The following ACSBG1 variants were observed in gnomAD, a reference collection of about 807,000 sequenced individuals.
ACSBG1 encodes the protein long-chain-fatty-acid--CoA ligase ACSBG1.
In ACSBG1, 39 loss-of-function variants were observed where a neutral mutation model predicts 80.2. That is an observed-to-expected ratio of 0.49 (90% CI 0.38 to 0.64). ACSBG1 has a LOEUF of 0.64. ACSBG1 is among the 30% of genes least tolerant of loss of function. The pLI, the probability that ACSBG1 is intolerant of heterozygous loss-of-function variation, is 0.00. For missense variants in ACSBG1, 828 were observed against 966.4 expected, an observed-to-expected ratio of 0.86 and a Z score of 1.90; for synonymous variants, 392 against 379.5, an observed-to-expected ratio of 1.03 and a Z score of -0.38.
At chr15:78,218,710 G>C (rs1468524995) in intron 1 of ACSBG1, among the ~76,000 whole-genome samples, 1 of 151,624 alleles carries the variant, frequency 6.6e-6, no homozygotes, top group Non-Finnish European at 1.5e-5. Context: ...CTTGCTAAAG[G>C]TTATACAGAT....
intron 2 of ACSBG1, among the ~76,000 whole-genome samples, chr15:78,200,344 C>A (rs1403858459): frequency 6.6e-6 from 1 of 152,032 alleles, no homozygotes; most frequent in Non-Finnish European, 1.5e-5. Flanking sequence ...GGCCTCCTGG[C>A]CAGCTGCATG....
In ACSBG1 at chr15:78,170,559, A is replaced by C. The variant is rs1465741896; in HGVS notation, c.*885T>G. The C allele has an allele frequency of 6.6e-6, 1 of 152,176 alleles. No individual in the cohort carries two copies. Among genetic ancestry groups the C allele is most frequent in the African/African-American group, 2.4e-5 (1 of 41,424 alleles). The allele number at this position is 152,176 out of a possible 1,614,324, so 9.4% of individuals were successfully genotyped here. A position where few individuals can be genotyped will look rare whatever the true frequency, so the allele number is the denominator to read the frequency against. Reference sequence around the variant, plus strand: ...CAAAACTGAGATGTTTGCTTTCTCTACCTGTTTCCTGTTCAGATGCCTTCG... The same window carrying C: ...CAAAACTGAGATGTTTGCTTTCTCTCCCTGTTTCCTGTTCAGATGCCTTCG... On this transcript the variant is annotated 3_prime_UTR_variant, in exon 14 of 14. Transcript: ENST00000258873.
chr15:78,209,353 T>C (rs1411439746), intron 1 of ACSBG1: 1 of 433,950 alleles, frequency 2.3e-6, no homozygotes, highest in East Asian at 7.1e-5. Context: ...TCTTGCGAAA[T>C]TTGTGAGCAA....
intron 10 of ACSBG1, 178 bp from the exon 11 acceptor site, chr15:78,179,009 T>C (rs937250011): frequency 6.4e-6 from 4 of 627,192 alleles, no homozygotes; most frequent in African/African-American, 1.8e-5. Context: ...TAAAGGGTTT[T>C]AGGGAATGAA....
intron 2 of ACSBG1, among the ~76,000 whole-genome samples, chr15:78,200,926 A>G (rs1026629085): frequency 6.6e-6 from 1 of 152,098 alleles, no homozygotes; most frequent in Admixed American, 6.5e-5. Flanking sequence ...TACCTTTCCC[A>G]GCCTCAACAT....
rs778578080 is a variant in ACSBG1, at chr15:78,180,836, G to A, written c.1172C>T (p.Ala391Val). ...CTTTCGCCGGATGAAGCCAGACTGAGCCGCCACCTCCTGGATGCGCTCCAT... is the reference window on the plus strand; with the variant it reads ...CTTTCGCCGGATGAAGCCAGACTGAACCGCCACCTCCTGGATGCGCTCCAT... ...KIMERIQEVA[A>V]QSGFIRRKML... The change falls in exon 9 of 14, where the codon GCT (alanine) becomes GTT (valine). Residue 391 changes from alanine (A) to valine (V), a missense_variant. This residue lies in a region of ACSBG1 where 271 missense variants were observed against 375.9 expected (regional missense o/e 0.72). Transcript: ENST00000258873. 1 of 1,614,222 alleles carries A rather than the reference G, an allele frequency of 6.2e-7. No homozygotes were observed. Among genetic ancestry groups the A allele is most frequent in the East Asian group, 2.2e-5 (1 of 44,880 alleles).
At chr15:78,217,569 T>C (rs989685262) in intron 1 of ACSBG1, among the ~76,000 whole-genome samples, 5 of 140,324 alleles carry the variant, frequency 3.6e-5, no homozygotes, top group African/African-American at 1.4e-4. Context: ...TGGAAAAATT[T>C]TTTTTTTTTT....
At chr15:78,210,455 TCA>T (rs1234475062) in intron 1 of ACSBG1, among the ~76,000 whole-genome samples, 6 of 152,216 alleles carry the variant, frequency 3.9e-5, no homozygotes, top group Non-Finnish European at 4.4e-5. Context: ...AACTTCCTGC[TCA>T]CACAGAGTTA....
chr15:78,206,979 G>A (rs1332355965), intron 2 of ACSBG1, among the ~76,000 whole-genome samples: 2 of 152,224 alleles, frequency 1.3e-5, no homozygotes, highest in Admixed American at 1.3e-4. Context: ...CAGGCCCCTG[G>A]TGCCAACACC....
At chr15:78,209,303 G>C in intron 1 of ACSBG1, 1 of 452,618 alleles carries the variant, frequency 2.2e-6, no homozygotes, top group South Asian at 1.6e-5. Context: ...GGAGGGGGAC[G>C]GGGAGAAGGG....
Position 78,174,527 on chromosome 15 carries a change from G to A in ACSBG1, c.1703-3C>T, listed in dbSNP as rs776117639. The A allele has an allele frequency of 1.2e-6, 2 of 1,613,180 alleles. No individual in the cohort carries two copies. Among genetic ancestry groups the A allele is most frequent in the South Asian group, 2.2e-5 (2 of 90,952 alleles). On this transcript the variant is annotated splice_polypyrimidine_tract_variant and splice_region_variant and intron_variant, in intron 11 of 13. Coordinates refer to ENST00000258873, the MANE Select transcript of ACSBG1 (RefSeq NM_015162.5). Reference sequence around the variant, plus strand: ...CCCACCAGCTGTGATGATTAATTCTGGGGAGGCAAGGCCAGGCCCCCGGCA... The same window carrying A: ...CCCACCAGCTGTGATGATTAATTCTAGGGAGGCAAGGCCAGGCCCCCGGCA...
chr15:78,216,721 T>C (rs2075314956), intron 1 of ACSBG1, among the ~76,000 whole-genome samples: 1 of 152,064 alleles, frequency 6.6e-6, no homozygotes, highest in South Asian at 2.1e-4. Context: ...CCCCCAAGGC[T>C]CATCTCAGCT....
chr15:78,180,684 C>A (rs2074933090), intron 9 of ACSBG1, 71 bp downstream of exon 9: 2 of 1,553,298 alleles, frequency 1.3e-6, no homozygotes, highest in Admixed American at 1.8e-5. Context: ...GCGTATCAGA[C>A]CCTCACTGTG....
chr15:78,194,722 C>G lies in ACSBG1; in HGVS notation c.237G>C (p.Glu79Asp). 2 of 1,612,074 alleles carry G rather than the reference C, an allele frequency of 1.2e-6. No homozygotes were observed. The highest frequency in any genetic ancestry group is 1.7e-6 in the Non-Finnish European group (2 of 1,179,762). Residue 79 changes from glutamate to aspartate, a missense_variant, in exon 3 of 14, where the codon GAG becomes GAC. Glu to Asp is a conservative substitution (Grantham distance 45). Transcript: ENST00000258873. Reference sequence around the variant, plus strand: ...CATCGGCCCGAGTCGTCCACAGCGCCTCCTCTGTGGGGTGGGGGAGACCAC... The same window carrying G: ...CATCGGCCCGAGTCGTCCACAGCGCGTCCTCTGTGGGGTGGGGGAGACCAC... ...VNNAQWDAPE[E>D]ALWTTRADGR...
chr15:78,188,356 T>C lies in ACSBG1; in HGVS notation c.663+5150A>G, dbSNP rs375143918. ...GTTCATATGGAACCAAAAAAGAGCC[T>C]GCATCGCCAAGTCAATCCTAAGCCA... is the stretch of plus-strand genomic sequence containing the variant. On this transcript the variant is annotated intron_variant, in intron 5 of 13. Transcript: ENST00000258873. Among the ~76,000 whole-genome samples, 902 of 121,180 alleles carry C rather than the reference T, an allele frequency of 7.4e-3. 4 individuals carry two copies. The highest frequency in any genetic ancestry group is 0.016 in the African/African-American group (532 of 33,408). The allele number at this position is 121,180 out of a possible 152,430, so 79.5% of individuals were successfully genotyped here.
chr15:78,204,609 G>A (rs1028574118), intron 2 of ACSBG1, among the ~76,000 whole-genome samples: 3 of 152,202 alleles, frequency 2.0e-5, no homozygotes, highest in Admixed American at 2.0e-4. Context: ...TGGCAGGGCC[G>A]GGATTACCTG....
intron 2 of ACSBG1, among the ~76,000 whole-genome samples, chr15:78,204,107 T>C (rs1292316255): frequency 2.6e-5 from 4 of 152,202 alleles, no homozygotes; most frequent in South Asian, 2.1e-4. Context: ...CAGCTGCCAC[T>C]CCCGGCCTTC....
intron 1 of ACSBG1, among the ~76,000 whole-genome samples, chr15:78,230,507 C>G (rs544644783): frequency 6.6e-5 from 10 of 152,348 alleles, no homozygotes; most frequent in African/African-American, 2.2e-4. Flanking sequence ...ACCATGGCCA[C>G]AAGGTCAGGG....
chr15:78,207,671 C>T (rs1363665322), intron 2 of ACSBG1: 1 of 332,350 alleles, frequency 3.0e-6, no homozygotes, highest in African/African-American at 2.0e-5. Flanking sequence ...TTCTCCTGTC[C>T]CTCAGCAACC....
Sources: gnomAD v4.1 joint callset for allele counts (sites outside exome capture counted in the v4.1 genomes callset) on GRCh38, gnomAD v4.1.1 for gene constraint, gnomAD v4.1.1 regional missense constraint, MANE v1.5 for transcripts, NCBI Gene and HGNC (gene_info 2026-07-23, HGNC 2026-07-21) for gene names.